Variants in DIAPH3 observed in about 807,000 individuals in gnomAD.
DIAPH3 encodes the protein diaphanous related formin 3.
A neutral mutation model predicts 144.3 loss-of-function variants in DIAPH3; 117 were observed. That is an observed-to-expected ratio of 0.81 (90% CI 0.70 to 0.95). The LOEUF (loss-of-function observed/expected upper bound fraction) is 0.95, where lower values mean the gene tolerates loss of function less well. DIAPH3 is among the 40% of genes least tolerant of loss of function. The probability of loss-of-function intolerance (pLI) is 0.00; values close to 1 mark genes in which losing one functional copy is unlikely to be tolerated. For synonymous variants in DIAPH3, 519 were observed against 488.9 expected (o/e 1.06, Z -0.81); for missense variants, 1,421 against 1,412.7 (o/e 1.01, Z -0.09).
At chr13:60,149,381 T>G (rs1951678936) in intron 1 of DIAPH3, among the ~76,000 whole-genome samples, 1 of 152,098 alleles carries the variant, frequency 6.6e-6, no homozygotes, top group Admixed American at 6.5e-5. Flanking sequence ...ATTCCTAAGA[T>G]CTTAAGCGAA....
intron 4 of DIAPH3, among the ~76,000 whole-genome samples, chr13:60,088,022 A>G (rs2057804394): frequency 6.6e-6 from 1 of 152,126 alleles, no homozygotes; most frequent in African/African-American, 2.4e-5. Flanking sequence ...TCAAAGAGAA[A>G]TGTTTAAAGC....
At chr13:60,124,312 A>G (rs1383773642) in intron 2 of DIAPH3, among the ~76,000 whole-genome samples, 3 of 152,184 alleles carry the variant, frequency 2.0e-5, no homozygotes, top group Non-Finnish European at 2.9e-5. Context: ...GCCTGTATCT[A>G]TATCTGGGCG....
At chr13:60,055,526 C>T (rs918715660) in intron 4 of DIAPH3, among the ~76,000 whole-genome samples, 1 of 151,860 alleles carries the variant, frequency 6.6e-6, no homozygotes, top group Non-Finnish European at 1.5e-5. Context: ...AAAGGATATA[C>T]TATACAGATA....
In DIAPH3 at chr13:60,008,563, T is replaced by C; in HGVS notation, c.995A>G (p.His332Arg). The change falls in exon 9 of 28, where the codon CAC becomes CGC. Residue 332 changes from histidine to arginine, a missense_variant. Transcript: ENST00000400324. The part of the protein sequence containing the change: ...RFFCIVEGLR[H>R]NSVQLQVACM... ...ACTTACTTGCAGTTGAACTGAATTG[T>C]GCCGGAGGCCTTCCACAATACAAAA... The C allele has an allele frequency of 6.2e-7, 1 of 1,613,256 alleles. No homozygotes were observed. Among genetic ancestry groups the C allele is most frequent in the Non-Finnish European group, 8.5e-7 (1 of 1,179,542 alleles).
intron 22 of DIAPH3, among the ~76,000 whole-genome samples, chr13:59,857,857 C>G (rs982416964): frequency 6.6e-6 from 1 of 152,142 alleles, no homozygotes; most frequent in Non-Finnish European, 1.5e-5. Context: ...CAAAAGCCAC[C>G]ATGCAGCTCT....
intron 3 of DIAPH3, among the ~76,000 whole-genome samples, chr13:60,102,841 C>T (rs988725598): frequency 9.2e-5 from 14 of 152,170 alleles, no homozygotes; most frequent in Non-Finnish European, 2.1e-4. Flanking sequence ...CTCACTTCAT[C>T]ATCTATTCCA....
At chr13:59,725,975 A>G (rs2035585758) in intron 27 of DIAPH3, among the ~76,000 whole-genome samples, 1 of 152,166 alleles carries the variant, frequency 6.6e-6, no homozygotes, top group South Asian at 2.1e-4. Flanking sequence ...AAAAATTTAT[A>G]ATTACTTATT....
intron 3 of DIAPH3, 126 bp from the exon 4 acceptor site, chr13:60,093,858 G>C (rs1292469140): frequency 2.9e-6 from 2 of 689,740 alleles, no homozygotes; most frequent in Non-Finnish European, 5.2e-6. Context: ...AATGATTTAC[G>C]TGTAGTTCTG....
rs541460921 is a variant in DIAPH3, at chr13:59,782,363, T to A, written c.3164-7540A>T. Among the ~76,000 whole-genome samples, 3 of 152,164 alleles carry A rather than the reference T, an allele frequency of 2.0e-5. No homozygotes were observed. In the South Asian group the frequency reaches 6.2e-4, roughly 32 times the overall value. On this transcript the variant is annotated intron_variant, in intron 25 of 27. Coordinates refer to ENST00000400324, the MANE Select transcript of DIAPH3 (RefSeq NM_001042517.2). ...CTCAGTAATGTCTAAAATAAAAAAT[T>A]GATATGCAACAGTCTATGCTATTAT...
chr13:60,128,781 T>C (rs539161003), intron 2 of DIAPH3, among the ~76,000 whole-genome samples: 1 of 152,170 alleles, frequency 6.6e-6, no homozygotes, highest in African/African-American at 2.4e-5. Context: ...AATTACCTTT[T>C]TTTTTTTTTT....
At chr13:59,706,095 A>C (rs2034406766) in intron 27 of DIAPH3, among the ~76,000 whole-genome samples, 1 of 152,084 alleles carries the variant, frequency 6.6e-6, no homozygotes. Flanking sequence ...CAAATAACTT[A>C]TTCACATCCT....
At chr13:59,697,369 G>A (rs1417439715) in intron 27 of DIAPH3, among the ~76,000 whole-genome samples, 2 of 145,466 alleles carry the variant, frequency 1.4e-5, no homozygotes, top group Non-Finnish European at 3.0e-5. Flanking sequence ...CTGAGGCAAG[G>A]GAATGGCGTG....
intron 3 of DIAPH3, among the ~76,000 whole-genome samples, chr13:60,102,785 A>G (rs1397504621): frequency 6.6e-6 from 1 of 152,158 alleles, no homozygotes; most frequent in African/African-American, 2.4e-5. Flanking sequence ...ACCCCTGCCA[A>G]GTAGTACCTG....
chr13:59,863,537 C>T (rs973869883), intron 21 of DIAPH3, among the ~76,000 whole-genome samples: 1 of 152,086 alleles, frequency 6.6e-6, no homozygotes, highest in African/African-American at 2.4e-5. Flanking sequence ...TACCATCAGA[C>T]ATATTAACAT....
At chr13:60,073,061 C>T (rs987368645) in intron 4 of DIAPH3, among the ~76,000 whole-genome samples, 6 of 152,074 alleles carry the variant, frequency 3.9e-5, no homozygotes, top group African/African-American at 7.2e-5. Context: ...GTAATCCCAA[C>T]GCTTTGGGAG....
At chr13:59,916,335 T>C in intron 18 of DIAPH3, 86 bp from the exon 19 acceptor site, 2 of 1,020,322 alleles carry the variant, frequency 2.0e-6, no homozygotes, top group South Asian at 1.4e-5. Context: ...AAATCAAAAA[T>C]AAATTCATAA....
At chr13:59,802,697 CAG>C (rs1757277051) in intron 25 of DIAPH3, among the ~76,000 whole-genome samples, 1 of 13,374 alleles carries the variant, frequency 7.5e-5, no homozygotes, top group African/African-American at 1.8e-4. Context: ...TTTTTTGAGA[CAG>C]AGTCTCGCTC....
chr13:59,765,818 G>A, intron 27 of DIAPH3, among the ~76,000 whole-genome samples: 1 of 152,056 alleles, frequency 6.6e-6, no homozygotes, highest in Admixed American at 6.6e-5. Flanking sequence ...TTTAAGGAGG[G>A]CAAATAAAGT....
intron 27 of DIAPH3, among the ~76,000 whole-genome samples, chr13:59,688,632 T>C (rs988123810): frequency 2.6e-5 from 4 of 152,042 alleles, no homozygotes; most frequent in African/African-American, 9.7e-5. Flanking sequence ...AAATGAATTG[T>C]GCACATAATA....
Sources: gnomAD v4.1 joint callset for allele counts (sites outside exome capture counted in the v4.1 genomes callset) on GRCh38, gnomAD v4.1.1 for gene constraint, MANE v1.5 for transcripts, NCBI Gene and HGNC (gene_info 2026-07-23, HGNC 2026-07-21) for gene names.